Variants in CCDC40 observed in about 807,000 individuals in gnomAD.
CCDC40 encodes the protein coiled-coil domain-containing protein 40.
CCDC40 carries 104 observed loss-of-function variants against 124.5 expected under a neutral mutation model. The observed-to-expected ratio is 0.84, with a 90% confidence interval of 0.71 to 0.98. The LOEUF (loss-of-function observed/expected upper bound fraction) is 0.98, where lower values mean the gene tolerates loss of function less well. Among genes scored for constraint, CCDC40 ranks in the 50% least tolerant of loss-of-function variants. CCDC40 has a pLI of 0.00. For synonymous variants in CCDC40, 580 were observed against 602.9 expected, an observed-to-expected ratio of 0.96 and a Z score of 0.56; for missense variants, 1,463 against 1,503.9, an observed-to-expected ratio of 0.97 and a Z score of 0.45.
intron 2 of CCDC40, among the ~76,000 whole-genome samples, chr17:80,038,562 C>G (rs150852551): frequency 0.069 from 10,523 of 152,020 alleles, 449 homozygotes; most frequent in East Asian, 0.16. Flanking sequence ...CACGGTGACT[C>G]ACGCCTGTAA....
intron 10 of CCDC40, chr17:80,067,996 A>C: frequency 9.4e-7 from 1 of 1,067,676 alleles, no homozygotes; most frequent in Non-Finnish European, 1.1e-6. Flanking sequence ...TTGCCACACC[A>C]AGGCCCCGGG....
At position 80,049,994 on chromosome 17, in the gene CCDC40, G is replaced by GT. The variant is rs1247500845; in HGVS notation, c.939+6dup. On this transcript the variant is annotated splice_donor_region_variant and intron_variant, in intron 6 of 19. Coordinates refer to ENST00000397545, the MANE Select transcript of CCDC40 (RefSeq NM_017950.4). ...AAGCTGGACCTCCAAGAGCTGGTGTGTATCCGTCCAGTCTCCCACCCTGGT... is the reference window on the plus strand; with the variant it reads ...AAGCTGGACCTCCAAGAGCTGGTGTGTTATCCGTCCAGTCTCCCACCCTGGT... The GT allele has an allele frequency of 6.2e-7, 1 of 1,614,000 alleles. No individual in the cohort carries two copies. Among genetic ancestry groups the GT allele is most frequent in the Admixed American group, 1.7e-5 (1 of 60,012 alleles).
intron 10 of CCDC40, among the ~76,000 whole-genome samples, chr17:80,072,984 TTTTGTTTG>T (rs57139196): frequency 0.034 from 5,084 of 148,928 alleles, 262 homozygotes; most frequent in African/African-American, 0.12. Flanking sequence ...GTGGAATCGC[TTTTGTTTG>T]TTTGTTTGTT....
intron 10 of CCDC40, 132 bp downstream of exon 10, chr17:80,065,738 G>T: frequency 8.1e-7 from 1 of 1,235,984 alleles, no homozygotes; most frequent in Non-Finnish European, 1.2e-6. Context: ...CCGGGTCCGG[G>T]CTTCCGTCCG....
chr17:80,064,100 A>G (rs1045713870), intron 9 of CCDC40, among the ~76,000 whole-genome samples: 5 of 152,100 alleles, frequency 3.3e-5, no homozygotes, highest in Non-Finnish European at 5.9e-5. Flanking sequence ...GAGGAAAAAA[A>G]AGTCCCCCTC....
chr17:80,054,263 G>GT (rs1447724640), intron 7 of CCDC40, among the ~76,000 whole-genome samples: 3 of 151,760 alleles, frequency 2.0e-5, no homozygotes, highest in African/African-American at 4.8e-5. Context: ...TTGGGGGAGG[G>GT]TTTTTTTTGT....
intron 9 of CCDC40, among the ~76,000 whole-genome samples, chr17:80,062,411 G>A (rs1036296219): frequency 4.6e-5 from 7 of 151,464 alleles, no homozygotes; most frequent in African/African-American, 1.2e-4. Context: ...CCATTAACTC[G>A]TCATTTAGCA....
At chr17:80,061,517 G>C (rs567410436) in intron 9 of CCDC40, among the ~76,000 whole-genome samples, 7 of 152,212 alleles carry the variant, frequency 4.6e-5, no homozygotes, top group Non-Finnish European at 7.3e-5. Context: ...AAGGAGACTC[G>C]CCCTGTGTGC....
At chr17:80,072,066 T>C (rs967542319) in intron 10 of CCDC40, among the ~76,000 whole-genome samples, 2 of 152,042 alleles carry the variant, frequency 1.3e-5, no homozygotes, top group East Asian at 3.9e-4. Context: ...CTTGAACTCC[T>C]GGCCTCAGGT....
intron 10 of CCDC40, among the ~76,000 whole-genome samples, chr17:80,068,664 T>C (rs1488855865): frequency 6.6e-6 from 1 of 152,004 alleles, no homozygotes; most frequent in Non-Finnish European, 1.5e-5. Context: ...GCCTTCACCC[T>C]GCGAGATCCC....
rs780103134 is a variant in CCDC40, at chr17:80,049,998, C to G, written c.939+9C>G. On this transcript the variant is annotated intron_variant, in intron 6 of 19. Coordinates refer to ENST00000397545, the MANE Select transcript of CCDC40 (RefSeq NM_017950.4). Reference sequence around the variant, plus strand: ...TGGACCTCCAAGAGCTGGTGTGTATCCGTCCAGTCTCCCACCCTGGTCGGA... The same window carrying G: ...TGGACCTCCAAGAGCTGGTGTGTATGCGTCCAGTCTCCCACCCTGGTCGGA... 6.2e-7 allele frequency: 1 copy of G among 1,613,910 alleles called. No homozygotes were observed. Among genetic ancestry groups the G allele is most frequent in the Admixed American group, 1.7e-5 (1 of 60,008 alleles).
intron 9 of CCDC40, among the ~76,000 whole-genome samples, chr17:80,062,745 A>G (rs935481145): frequency 1.3e-5 from 2 of 152,084 alleles, no homozygotes; most frequent in Admixed American, 6.5e-5. Context: ...ACACCGTGCT[A>G]ATTTTTTTAT....
At chr17:80,044,504 C>T (rs757264369) in intron 3 of CCDC40, among the ~76,000 whole-genome samples, 10 of 151,770 alleles carry the variant, frequency 6.6e-5, no homozygotes, top group Non-Finnish European at 1.2e-4. Context: ...ACCAACATGG[C>T]GAGACCCCAT....
chr17:80,059,303 C>T (rs2037836160), intron 9 of CCDC40, among the ~76,000 whole-genome samples: 2 of 152,088 alleles, frequency 1.3e-5, no homozygotes, highest in Admixed American at 6.6e-5. Context: ...GGACCTCTTC[C>T]GGGGAGGACT....
At chr17:80,041,130 G>A (rs1050683877) in intron 3 of CCDC40, among the ~76,000 whole-genome samples, 1 of 152,190 alleles carries the variant, frequency 6.6e-6, no homozygotes, top group African/African-American at 2.4e-5. Flanking sequence ...CTTAAACACT[G>A]GAGAGTGGGT....
chr17:80,047,993 G>A (rs553609895), intron 4 of CCDC40, among the ~76,000 whole-genome samples: 17 of 152,294 alleles, frequency 1.1e-4, no homozygotes, highest in South Asian at 8.3e-4. Context: ...AAAACAAGCC[G>A]GGCGCGGTGG....
At chr17:80,043,658 C>T (rs940859410) in intron 3 of CCDC40, among the ~76,000 whole-genome samples, 1 of 144,042 alleles carries the variant, frequency 6.9e-6, no homozygotes, top group Admixed American at 7.1e-5. Flanking sequence ...GCTGGGACTG[C>T]AAGCACTCAC....
At position 80,040,145 on chromosome 17, in the gene CCDC40, CA is replaced by C; in HGVS notation, c.429del (p.Glu144ArgfsTer23). On this transcript the variant is annotated frameshift_variant, in exon 3 of 20. Coordinates refer to ENST00000397545, the MANE Select transcript of CCDC40 (RefSeq NM_017950.4). LOFTEE classifies it high-confidence loss of function. ...GGAGGCTGGTCTCCAAGGCTTCCAG[CA>C]AGAGGCCACCGGTCCACCAGAATCC... ...SGEAGLQGFQ[Q>X]EATGPPESRE... 1 of 1,613,980 alleles carries C rather than the reference CA, an allele frequency of 6.2e-7. No homozygotes were observed. Among genetic ancestry groups the C allele is most frequent in the Non-Finnish European group, 8.5e-7 (1 of 1,179,898 alleles).
intron 7 of CCDC40, among the ~76,000 whole-genome samples, chr17:80,052,086 C>T (rs185679530): frequency 6.6e-5 from 10 of 152,364 alleles, no homozygotes; most frequent in African/African-American, 1.9e-4. Flanking sequence ...TTAGGTGAGA[C>T]GTGGGTCCTG....
Sources: gnomAD v4.1 joint callset for allele counts (sites outside exome capture counted in the v4.1 genomes callset) on GRCh38, gnomAD v4.1.1 for gene constraint, MANE v1.5 for transcripts, NCBI Gene and HGNC (gene_info 2026-07-23, HGNC 2026-07-21) for gene names.